Variants in ZMYM1 observed in about 807,000 individuals in gnomAD.
ZMYM1 encodes zinc finger MYM-type protein 1.
ZMYM1 carries 39 observed loss-of-function variants against 60.0 expected under a neutral mutation model. The observed-to-expected ratio is 0.65, with a 90% CI of 0.50 to 0.85. The LOEUF (loss-of-function observed/expected upper bound fraction) is 0.85. ZMYM1 is among the 40% of genes least tolerant of loss of function. The pLI is 0.00. For synonymous variants in ZMYM1, 413 were observed against 454.0 expected (o/e 0.91, Z 1.15); for missense variants, 1,171 against 1,309.5 (o/e 0.89, Z 1.63).
chr1:35,072,035 G>A (rs1557625229), intron 1 of ZMYM1, among the ~76,000 whole-genome samples: 1 of 152,174 alleles, frequency 6.6e-6, no homozygotes, highest in Non-Finnish European at 1.5e-5. Context: ...TTGGGAGGCT[G>A]AGGCAGGAGA....
rs373549977 is a variant in ZMYM1, at chr1:35,111,819, C to A, written c.1009C>A (p.Pro337Thr). 3 of 1,606,796 alleles carry A rather than the reference C, an allele frequency of 1.9e-6. No individual in the cohort carries two copies. Among genetic ancestry groups the A allele is most frequent in the Admixed American group, 3.4e-5 (2 of 59,440 alleles). The change falls in exon 8 of 10, where the codon CCA becomes ACA. Residue 337 changes from proline (P) to threonine (T), a missense_variant. Coordinates refer to ENST00000359858, the MANE Select transcript of ZMYM1 (RefSeq NM_024772.5). ...VHDTSTELLS[P>T]KKDTTPVISN... ...TGATACTTCAACAGAGCTTCTTTCT[C>A]CAAAGAAAGATACGACTCCAGTTAT...
intron 1 of ZMYM1, among the ~76,000 whole-genome samples, chr1:35,092,399 AT>A (rs35083377): frequency 0.84 from 121,869 of 145,360 alleles, 51,431 homozygotes; most frequent in Non-Finnish European, 0.92. Flanking sequence ...CACTCGGTTG[AT>A]TTTTTTTTTT....
downstream of ZMYM1, among the ~76,000 whole-genome samples, chr1:35,118,237 G>A (rs1341260286): frequency 1.5e-4 from 13 of 86,564 alleles, no homozygotes; most frequent in Admixed American, 7.8e-4. Context: ...GTGAAACTCC[G>A]TCTCAAAAAA....
At chr1:35,063,126 C>CT (rs34272747) in intron 1 of ZMYM1, among the ~76,000 whole-genome samples, 255 of 136,668 alleles carry the variant, frequency 1.9e-3, no homozygotes, top group African/African-American at 3.4e-3. Flanking sequence ...CAAGCCTTTT[C>CT]TTTTTTTTTT....
chr1:35,111,761 ATTG>A lies in ZMYM1; in HGVS notation c.962-6_962-4del, dbSNP rs751222016. 3.9e-6 allele frequency: 6 copies of A among 1,553,118 alleles called. No homozygotes were observed. The Admixed American group carries it at 1.2e-4, about 31-fold the overall frequency. On this transcript the variant is annotated splice_region_variant and splice_polypyrimidine_tract_variant and intron_variant, in intron 7 of 9. Transcript: ENST00000359858. ...TGCCTTGTTTATAAGAAATCTTTTT[ATTG>A]TTGTCAGTAAGTGTTGTTTCTGTGG...
At chr1:35,090,067 G>A (rs1018988173) in intron 1 of ZMYM1, among the ~76,000 whole-genome samples, 4 of 151,926 alleles carry the variant, frequency 2.6e-5, no homozygotes, top group Non-Finnish European at 4.4e-5. Context: ...CACCACGCCC[G>A]GCTAATTTTT....
upstream of ZMYM1, among the ~76,000 whole-genome samples, chr1:35,076,421 A>G (rs1156280484): frequency 6.6e-6 from 1 of 152,144 alleles, no homozygotes; most frequent in South Asian, 2.1e-4. Context: ...CAGGAGTTCA[A>G]GGCCAGCCTG....
chr1:35,060,149 A>G (rs901224202), intron 1 of ZMYM1, among the ~76,000 whole-genome samples: 122 of 120,712 alleles, frequency 1.0e-3, no homozygotes, highest in African/African-American at 4.4e-3. Context: ...TGTTGTTATT[A>G]TTATTATTAT....
rs763674323 is a variant in ZMYM1 at position 35,110,442 on chromosome 1, C to G, written c.956C>G (p.Ser319Cys). 6.7e-6 allele frequency: 10 copies of G among 1,498,954 alleles called. No individual in the cohort carries two copies. The Admixed American group carries it at 2.3e-4, about 35-fold the overall frequency. The allele number at this position is 1,498,954 out of a possible 1,614,324, so 92.9% of individuals were successfully genotyped here. ...TACAGTAAAGCTAAGATGGAATCTT[C>G]TTCAGGTAATGTTTGTTTAGCAATT... is the stretch of plus-strand genomic sequence containing the variant. ...SAYSKAKMES[S>C]SVSVVSVVHD... The change falls in exon 7 of 10, where the codon TCT becomes TGT. Residue 319 changes from serine (S) to cysteine (C), a missense_variant. Coordinates refer to ENST00000359858, the MANE Select transcript of ZMYM1 (RefSeq NM_024772.5).
At chr1:35,060,410 T>G (rs1243344971) in intron 1 of ZMYM1, among the ~76,000 whole-genome samples, 1 of 151,608 alleles carries the variant, frequency 6.6e-6, no homozygotes, top group Non-Finnish European at 1.5e-5. Flanking sequence ...TCGACCCCCC[T>G]CGGCCTCCCA....
intron 6 of ZMYM1, among the ~76,000 whole-genome samples, chr1:35,107,906 C>G (rs1338707463): frequency 2.6e-5 from 4 of 152,072 alleles, no homozygotes; most frequent in Non-Finnish European, 5.9e-5. Flanking sequence ...GTCAGGAGTT[C>G]AAGACCAGCC....
chr1:35,093,892 CTT>C lies in ZMYM1; in HGVS notation c.-74-20_-74-19del. ...AAAGGACTAATTTTAAAATCAAACT[CTT>C]TATCAATATTTTATTTTAGGAATCT... is the stretch of plus-strand genomic sequence containing the variant. On this transcript the variant is annotated intron_variant, in intron 1 of 9. Transcript: ENST00000359858. 3.5e-6 allele frequency: 3 copies of C among 854,302 alleles called. No homozygotes were observed. The highest frequency in any genetic ancestry group is 5.3e-6 in the Non-Finnish European group (3 of 568,496). The allele number at this position is 854,302 out of a possible 1,614,324, so 52.9% of individuals were successfully genotyped here.
chr1:35,082,967 GT>G (rs1642469181), intron 1 of ZMYM1, among the ~76,000 whole-genome samples: 1 of 151,598 alleles, frequency 6.6e-6, no homozygotes, highest in Admixed American at 6.6e-5. Context: ...GGCAGCAAGA[GT>G]AAAACTCTGT....
intron 3 of ZMYM1, 110 bp from the exon 4 acceptor site, chr1:35,097,207 G>T: frequency 7.9e-7 from 1 of 1,262,206 alleles, no homozygotes; most frequent in South Asian, 1.5e-5. Context: ...GCAAAAGAGG[G>T]CAACAGAACA....
intron 1 of ZMYM1, among the ~76,000 whole-genome samples, chr1:35,080,823 G>T (rs2148487029): frequency 6.6e-6 from 1 of 152,190 alleles, no homozygotes; most frequent in East Asian, 1.9e-4. Flanking sequence ...GGAAATGATG[G>T]CTCTTCATTG....
intron 3 of ZMYM1, 82 bp from the exon 4 acceptor site, chr1:35,097,235 A>G: frequency 6.8e-7 from 1 of 1,472,654 alleles, no homozygotes; most frequent in Middle Eastern, 1.8e-4. Flanking sequence ...GTCTCTAAAA[A>G]AAGAAAGAAA....
chr1:35,078,693 C>A (rs563833902), upstream of ZMYM1, among the ~76,000 whole-genome samples: 1 of 151,732 alleles, frequency 6.6e-6, no homozygotes, highest in African/African-American at 2.4e-5. Flanking sequence ...GGATTACAGG[C>A]GCCCGCCTCC....
At chr1:35,061,119 A>G (rs976188757) in intron 1 of ZMYM1, among the ~76,000 whole-genome samples, 7 of 152,238 alleles carry the variant, frequency 4.6e-5, no homozygotes, top group African/African-American at 1.4e-4. Flanking sequence ...CTTGGATTCT[A>G]TGGTCACATC....
chr1:35,096,080 C>T (rs554644343), intron 3 of ZMYM1, among the ~76,000 whole-genome samples, 189 bp downstream of exon 3: 11 of 151,978 alleles, frequency 7.2e-5, no homozygotes, highest in African/African-American at 2.2e-4. Flanking sequence ...TTTGGGAGGC[C>T]GAGGCAGGCG....
Sources: gnomAD v4.1 joint callset for allele counts (sites outside exome capture counted in the v4.1 genomes callset) on GRCh38, gnomAD v4.1.1 for gene constraint, MANE v1.5 for transcripts, NCBI Gene and HGNC (gene_info 2026-07-23, HGNC 2026-07-21) for gene names.